Variants in ACSF3 observed in about 807,000 individuals in gnomAD.
ACSF3 encodes acyl-CoA synthetase family member 3, also known as malonate--CoA ligase ACSF3, mitochondrial.
ACSF3 carries 78 observed loss-of-function variants against 53.2 expected under a neutral mutation model. The ratio of observed to expected loss-of-function variants is 1.47; its 90% confidence interval spans 1.22 to 1.77. The LOEUF (loss-of-function observed/expected upper bound fraction) is 1.77. ACSF3 is among the 40% of genes most tolerant of loss of function. ACSF3 has a pLI of 0.00. For synonymous variants in ACSF3, 414 were observed against 333.1 expected (o/e 1.24, Z -2.65); for missense variants, 937 against 771.1 (o/e 1.22, Z -2.55).
rs1431830186 is a variant in ACSF3, at chr16:89,120,827, G to A, written c.1153G>A (p.Val385Ile). ...PGSVGTPLPGVQVRIVSENPQ... is the reference protein window; with the variant it reads ...PGSVGTPLPGIQVRIVSENPQ... ...TTCCGTGGGGACCCCACTGCCTGGA[G>A]TACAGGTGCGCATTGTCTCAGAAAA... Residue 385 changes from valine to isoleucine, a missense_variant, in exon 7 of 11, where the codon GTA becomes ATA. Coordinates refer to ENST00000614302, the MANE Select transcript of ACSF3 (RefSeq NM_001243279.3). The A allele has an allele frequency of 1.2e-6, 2 of 1,613,982 alleles. No individual in the cohort carries two copies. Among genetic ancestry groups the A allele is most frequent in the Non-Finnish European group, 1.7e-6 (2 of 1,179,984 alleles).
At position 89,114,401 on chromosome 16, in the gene ACSF3, C is replaced by T. The variant is rs772972837; in HGVS notation, c.1040C>T (p.Thr347Met). The T allele has an allele frequency of 9.3e-6, 15 of 1,613,956 alleles. No homozygotes were observed. Among genetic ancestry groups the T allele is most frequent in the African/African-American group, 4.0e-5 (3 of 74,956 alleles). ...GTGCTGGAGAAGTGGAAGAACATCACGGGCCACACCCTGCTGGAGCGGTAT... is the reference window on the plus strand; with the variant it reads ...GTGCTGGAGAAGTGGAAGAACATCATGGGCCACACCCTGCTGGAGCGGTAT... ...LPVLEKWKNI[T>M]GHTLLERYGM... Residue 347 changes from threonine to methionine, a missense_variant, in exon 6 of 11, where the codon ACG becomes ATG. Thr to Met is a moderately conservative substitution (Grantham distance 81). Transcript: ENST00000614302.
rs1975274575 is a variant in ACSF3, at chr16:89,101,171, G to T, written c.490G>T (p.Gly164Trp). The change falls in exon 3 of 11, where the codon GGG becomes TGG. Residue 164 changes from glycine (G) to tryptophan (W), a missense_variant. Physicochemically the swap from Gly to Trp is radical, Grantham distance 184 (BLOSUM62 -2). Transcript: ENST00000614302. ...CCTGAGCCCGGTGGTCAGGAAGCTGGGGGTCCCGCTGCTGCCGCTCACACC... is the reference window on the plus strand; with the variant it reads ...CCTGAGCCCGGTGGTCAGGAAGCTGTGGGTCCCGCTGCTGCCGCTCACACC... ...ELLSPVVRKL[G>W]VPLLPLTPAI... 1 of 1,612,400 alleles carries T rather than the reference G, an allele frequency of 6.2e-7. No homozygotes were observed.
chr16:89,153,849 C>A, intron 10 of ACSF3: 1 of 569,382 alleles, frequency 1.8e-6, no homozygotes, highest in South Asian at 2.0e-5. Flanking sequence ...CCTGCACGCA[C>A]CATGGCTTCT....
chr16:89,131,369 G>T (rs1909295751), intron 7 of ACSF3, among the ~76,000 whole-genome samples: 1 of 151,772 alleles, frequency 6.6e-6, no homozygotes, highest in Non-Finnish European at 1.5e-5. Flanking sequence ...CAAGCAGTCT[G>T]CCCGCCTCAG....
chr16:89,114,804 G>T (rs547216398), intron 6 of ACSF3: 2 of 417,708 alleles, frequency 4.8e-6, no homozygotes, highest in Non-Finnish European at 9.1e-6. Context: ...AGAGGAAGGC[G>T]GGGGGCCATG....
chr16:89,146,440 C>T (rs1175245375), intron 10 of ACSF3, among the ~76,000 whole-genome samples: 6 of 152,254 alleles, frequency 3.9e-5, no homozygotes, highest in Admixed American at 6.5e-5. Context: ...GGCCCTTCCC[C>T]GCCAGGCCAC....
chr16:89,117,766 AAGGAGCCCCAGACAGATGGCACAGGGAG>A (rs1905434176), intron 6 of ACSF3, among the ~76,000 whole-genome samples: 1 of 152,126 alleles, frequency 6.6e-6, no homozygotes, highest in South Asian at 2.1e-4. Flanking sequence ...GGCGAACAGG[AAGGAGCCCCAGACAGATGGCACAGGGAG>A]AGGAGTCCCC....
At chr16:89,125,573 C>T (rs1292072726) in intron 7 of ACSF3, among the ~76,000 whole-genome samples, 1 of 151,972 alleles carries the variant, frequency 6.6e-6, no homozygotes, top group Non-Finnish European at 1.5e-5. Context: ...CGCCTGTAAT[C>T]CCAGCTACTC....
intron 4 of ACSF3, among the ~76,000 whole-genome samples, chr16:89,105,736 C>G (rs1333838526): frequency 6.6e-6 from 1 of 152,386 alleles, no homozygotes; most frequent in African/African-American, 2.4e-5. Flanking sequence ...CAGCAACGGC[C>G]ATTGTCGTGG....
chr16:89,146,057 TGGGTGGGGCGGGCA>T lies in ACSF3; in HGVS notation c.1613+12_1613+25del. On this transcript the variant is annotated intron_variant, in intron 10 of 10. Coordinates refer to ENST00000614302, the MANE Select transcript of ACSF3 (RefSeq NM_001243279.3). ...GCTCAAAGAGTGGGCCAGGTAGGGC[TGGGTGGGGCGGGCA>T]GGGAGCACTCATGGGGTCTTGGGGG... 5 of 404,204 alleles carry T rather than the reference TGGGTGGGGCGGGCA, an allele frequency of 1.2e-5. No homozygotes were observed. The highest frequency in any genetic ancestry group is 2.5e-5 in the Non-Finnish European group (5 of 196,888). The allele number at this position is 404,204 out of a possible 1,614,324, so 25.0% of individuals were successfully genotyped here.
intron 3 of ACSF3, among the ~76,000 whole-genome samples, chr16:89,101,888 C>T (rs1006213907): frequency 6.6e-6 from 1 of 152,204 alleles, no homozygotes; most frequent in Non-Finnish European, 1.5e-5. Flanking sequence ...CCCACGGAGT[C>T]GTGGGCTGAC....
intron 6 of ACSF3, among the ~76,000 whole-genome samples, chr16:89,120,263 A>G (rs994305899): frequency 6.6e-6 from 1 of 152,206 alleles, no homozygotes; most frequent in East Asian, 1.9e-4. Context: ...GAGCCAGTAC[A>G]AAGTGTGGTC....
intron 1 of ACSF3, among the ~76,000 whole-genome samples, chr16:89,097,692 G>C (rs1309390379): frequency 6.6e-6 from 1 of 152,194 alleles, no homozygotes; most frequent in Non-Finnish European, 1.5e-5. Context: ...TTGTTTTCTT[G>C]CCATTCTCTG....
At chr16:89,129,390 ATGCTCTT>A (rs1236105030) in intron 7 of ACSF3, among the ~76,000 whole-genome samples, 1 of 151,774 alleles carries the variant, frequency 6.6e-6, no homozygotes, top group East Asian at 1.9e-4. Flanking sequence ...TGCTCTGGTA[ATGCTCTT>A]TGCTCTTAAG....
Position 89,154,652 on chromosome 16 carries a change from C to T in ACSF3, c.*445C>T. 1 of 454,392 alleles carries T rather than the reference C, an allele frequency of 2.2e-6. No individual in the cohort carries two copies. Among genetic ancestry groups the T allele is most frequent in the Non-Finnish European group, 4.4e-6 (1 of 227,070 alleles). 28.1% of individuals were successfully genotyped at this position (454,392 alleles called of 1,614,324 possible). On this transcript the variant is annotated 3_prime_UTR_variant, in exon 11 of 11. Transcript: ENST00000614302. ...CCCAGAGCCAGTGTCTCCCGGCCCA[C>T]ATAGGAGGTCTGGGCAGCCACCCAG...
rs1278713968 is a variant in ACSF3, at chr16:89,145,033, C to T, written c.1367-234C>T. 6 of 1,157,860 alleles carry T rather than the reference C, an allele frequency of 5.2e-6. No individual in the cohort carries two copies. The African/African-American group carries it at 9.2e-5, about 18-fold the overall frequency. 71.7% of individuals were successfully genotyped at this position (1,157,860 alleles called of 1,614,324 possible). ...GAAGGGACCCCACAGGAAGGGCAGA[C>T]CCCACATCATGGGCACAGTCCCACC... On this transcript the variant is annotated intron_variant, in intron 8 of 10. Coordinates refer to ENST00000614302, the MANE Select transcript of ACSF3 (RefSeq NM_001243279.3).
chr16:89,140,553 C>A (rs902542500), intron 8 of ACSF3, among the ~76,000 whole-genome samples: 3 of 152,232 alleles, frequency 2.0e-5, no homozygotes, highest in African/African-American at 7.2e-5. Context: ...AAAAGTCCGA[C>A]AGGCTGGGTC....
chr16:89,134,312 A>C (rs973236447), intron 8 of ACSF3, among the ~76,000 whole-genome samples: 1 of 152,178 alleles, frequency 6.6e-6, no homozygotes, highest in Non-Finnish European at 1.5e-5. Context: ...GGCCACAGAA[A>C]AGAACCATGG....
At chr16:89,125,509 C>A (rs1382477554) in intron 7 of ACSF3, among the ~76,000 whole-genome samples, 2 of 151,890 alleles carry the variant, frequency 1.3e-5, no homozygotes, top group Admixed American at 6.6e-5. Flanking sequence ...GCCTGGCCAA[C>A]ATGGTAAAAC....
Sources: gnomAD v4.1 joint callset for allele counts (sites outside exome capture counted in the v4.1 genomes callset) on GRCh38, gnomAD v4.1.1 for gene constraint, MANE v1.5 for transcripts, NCBI Gene and HGNC (gene_info 2026-07-23, HGNC 2026-07-21) for gene names.